TGFBR3: variants seen among roughly 807,000 people sequenced by gnomAD.
The protein encoded by TGFBR3 is transforming growth factor beta receptor 3.
A neutral mutation model predicts 87.9 loss-of-function variants in TGFBR3; 46 were observed. That is an observed-to-expected ratio of 0.52 (90% CI 0.41 to 0.67). TGFBR3 has a LOEUF of 0.67. Among genes scored for constraint, TGFBR3 ranks in the 30% least tolerant of loss-of-function variants. TGFBR3 has a pLI of 0.00. For synonymous variants in TGFBR3, 381 were observed against 391.6 expected, an observed-to-expected ratio of 0.97 and a Z score of 0.32; for missense variants, 866 against 1,041.9, an observed-to-expected ratio of 0.83 and a Z score of 2.32.
At chr1:91,748,722 GTATTAT>G (rs56351917) in intron 4 of TGFBR3, among the ~76,000 whole-genome samples, 89 of 148,416 alleles carry the variant, frequency 6.0e-4, no homozygotes, top group African/African-American at 8.4e-4. Context: ...ATTCTGGAAA[GTATTAT>G]TATTATTATT....
chr1:91,681,036 C>T lies in TGFBR3; in HGVS notation c.*2703G>A, dbSNP rs1670891714. On this transcript the variant is annotated 3_prime_UTR_variant, in exon 17 of 17. Transcript: ENST00000212355. ...TTTTAACAACAGCTTCAGCATCAAA[C>T]AAACAACAAAATGGCCTCTGCAAAT... 2.2e-6 allele frequency: 1 copy of T among 453,910 alleles called. No individual in the cohort carries two copies. 28.1% of individuals were successfully genotyped at this position (453,910 alleles called of 1,614,324 possible).
intron 16 of TGFBR3, among the ~76,000 whole-genome samples, chr1:91,684,777 A>G (rs1187334339): frequency 6.6e-6 from 1 of 152,214 alleles, no homozygotes; most frequent in African/African-American, 2.4e-5. Flanking sequence ...AAAAGCGATC[A>G]GGGCTCTCCA....
chr1:91,738,029 G>A (rs939075901), intron 4 of TGFBR3, among the ~76,000 whole-genome samples: 3 of 152,148 alleles, frequency 2.0e-5, no homozygotes, highest in South Asian at 2.1e-4. Flanking sequence ...TCAGTTGAAG[G>A]CCTGAATAGA....
chr1:91,831,857 G>A (rs1203158003), intron 2 of TGFBR3, among the ~76,000 whole-genome samples: 1 of 152,166 alleles, frequency 6.6e-6, no homozygotes, highest in Admixed American at 6.5e-5. Flanking sequence ...CACATTTTAA[G>A]CAGAGGGAAA....
intron 4 of TGFBR3, among the ~76,000 whole-genome samples, chr1:91,739,278 T>C (rs1422123719): frequency 1.3e-5 from 2 of 152,064 alleles, no homozygotes; most frequent in African/African-American, 2.4e-5. Flanking sequence ...TGAGAAACAG[T>C]GGTCACTCAC....
intron 8 of TGFBR3, among the ~76,000 whole-genome samples, chr1:91,720,987 C>T (rs1672348385): frequency 6.6e-6 from 1 of 152,120 alleles, no homozygotes; most frequent in South Asian, 2.1e-4. Context: ...TATTTCCATA[C>T]AATCAATACT....
At chr1:91,696,380 C>T (rs775682667) in intron 15 of TGFBR3, among the ~76,000 whole-genome samples, 5 of 152,186 alleles carry the variant, frequency 3.3e-5, no homozygotes, top group Non-Finnish European at 7.3e-5. Flanking sequence ...TTAATCTTAA[C>T]AGCTTCATAT....
intron 3 of TGFBR3, among the ~76,000 whole-genome samples, chr1:91,774,897 T>C (rs1674516184): frequency 6.6e-6 from 1 of 152,170 alleles, no homozygotes; most frequent in Non-Finnish European, 1.5e-5. Context: ...AGATCACTGG[T>C]AAAAGTCTGA....
At chr1:91,704,464 G>A (rs1013509271) in intron 14 of TGFBR3, among the ~76,000 whole-genome samples, 1 of 152,154 alleles carries the variant, frequency 6.6e-6, no homozygotes, top group Admixed American at 6.5e-5. Flanking sequence ...ATAAGGCATA[G>A]GGTTTAAGAG....
intron 12 of TGFBR3, among the ~76,000 whole-genome samples, chr1:91,714,880 A>T (rs1672106232): frequency 6.6e-6 from 1 of 152,206 alleles, no homozygotes; most frequent in African/African-American, 2.4e-5. Flanking sequence ...AAAGAAAGAG[A>T]ACTCTCAGAA....
upstream of TGFBR3, among the ~76,000 whole-genome samples, chr1:91,886,625 T>G (rs560283034): frequency 7.9e-5 from 12 of 152,302 alleles, no homozygotes; most frequent in South Asian, 2.3e-3. Context: ...GATAATCTGA[T>G]CACAGCCTCT....
intron 4 of TGFBR3, among the ~76,000 whole-genome samples, chr1:91,754,017 AC>A: frequency 6.6e-6 from 1 of 152,136 alleles, no homozygotes; most frequent in African/African-American, 2.4e-5. Context: ...AGCTTTCACA[AC>A]CCTTGTTATC....
chr1:91,785,277 A>C (rs1674914272), intron 3 of TGFBR3, among the ~76,000 whole-genome samples: 1 of 152,234 alleles, frequency 6.6e-6, no homozygotes, highest in South Asian at 2.1e-4. Flanking sequence ...AGAACAGATA[A>C]ATCTAGAAAG....
intron 2 of TGFBR3, chr1:91,830,027 T>C (rs1035969509): frequency 1.3e-5 from 2 of 152,232 alleles, no homozygotes; most frequent in African/African-American, 4.8e-5. Flanking sequence ...GTGATTCTCC[T>C]GCCTCTTGAG....
chr1:91,736,186 G>C (rs146065586), intron 4 of TGFBR3, among the ~76,000 whole-genome samples: 1,991 of 151,966 alleles, frequency 0.013, 17 homozygotes, highest in Non-Finnish European at 0.022. Context: ...CTGAAAACTA[G>C]AATCACCTGA....
chr1:91,714,294 C>T (rs1331220376), intron 12 of TGFBR3, among the ~76,000 whole-genome samples: 1 of 152,074 alleles, frequency 6.6e-6, no homozygotes, highest in Non-Finnish European at 1.5e-5. Context: ...ATAAATGCTA[C>T]CTATTAGTAA....
At chr1:91,832,465 T>C (rs1416061115) in intron 2 of TGFBR3, among the ~76,000 whole-genome samples, 2 of 152,228 alleles carry the variant, frequency 1.3e-5, no homozygotes, top group Non-Finnish European at 2.9e-5. Flanking sequence ...GGGTCTCTTC[T>C]AAGCATTTGA....
In TGFBR3 at chr1:91,758,730, G is replaced by A; in HGVS notation, c.267C>T (p.Pro89=). The change falls in exon 4 of 17, where the codon CCC becomes CCT. Residue 89 remains proline, a synonymous_variant. Coordinates refer to ENST00000212355, the MANE Select transcript of TGFBR3 (RefSeq NM_003243.5). The stretch of plus-strand genomic sequence containing the variant: ...TGTGGTGGATGTGGACTGAGGAGAT[G>A]GGATTCAGGTGAAGTGTGACCTAGG... ...LQREVTLHLN[P]ISSVHIHHKS... is the part of the protein sequence containing the mutation. 6.2e-7 allele frequency: 1 copy of A among 1,613,924 alleles called. No homozygotes were observed. The highest frequency in any genetic ancestry group is 8.5e-7 in the Non-Finnish European group (1 of 1,179,888).
At chr1:91,762,534 G>A (rs1032089182) in intron 3 of TGFBR3, among the ~76,000 whole-genome samples, 4 of 152,162 alleles carry the variant, frequency 2.6e-5, no homozygotes, top group African/African-American at 4.8e-5. Flanking sequence ...GCAGTTTCTC[G>A]TGAAACCCGT....
Sources: allele counts gnomAD v4.1 joint callset (sites outside exome capture counted in the v4.1 genomes callset), GRCh38; gene constraint gnomAD v4.1.1; transcripts MANE v1.5; gene names NCBI Gene and HGNC (gene_info 2026-07-23, HGNC 2026-07-21).